EFHD1: variants seen among roughly 807,000 people sequenced by gnomAD.
EFHD1 encodes the protein EF-hand domain family member D1, also known as EF-hand domain-containing protein D1.
A neutral mutation model predicts 17.2 loss-of-function variants in EFHD1; 10 were observed. The ratio of observed to expected loss-of-function variants is 0.58; its 90% CI spans 0.36 to 0.99. The LOEUF is 0.99. EFHD1 is among the 50% of genes least tolerant of loss of function. The pLI is 0.01. For missense variants in EFHD1, 310 were observed against 327.5 expected, an observed-to-expected ratio of 0.95 and a Z score of 0.41; for synonymous variants, 153 against 142.0, an observed-to-expected ratio of 1.08 and a Z score of -0.55.
chr2:232,640,875 A>G (rs1258222013), intron 1 of EFHD1, among the ~76,000 whole-genome samples: 3 of 152,166 alleles, frequency 2.0e-5, no homozygotes, highest in African/African-American at 7.2e-5. Flanking sequence ...TGGAGGCAGC[A>G]GGGAAGGCCC....
chr2:232,649,462 T>C (rs1182217335), intron 1 of EFHD1, among the ~76,000 whole-genome samples: 1 of 152,118 alleles, frequency 6.6e-6, no homozygotes, highest in Non-Finnish European at 1.5e-5. Context: ...TGTGGAGCGG[T>C]AGCACAGTGA....
chr2:232,617,371 C>G (rs1406427508), intron 1 of EFHD1, among the ~76,000 whole-genome samples: 1 of 152,148 alleles, frequency 6.6e-6, no homozygotes, highest in Non-Finnish European at 1.5e-5. Flanking sequence ...AGAATGCTGG[C>G]CGGGCGCAGT....
intron 1 of EFHD1, among the ~76,000 whole-genome samples, chr2:232,642,736 C>T (rs926105217): frequency 6.6e-5 from 10 of 152,196 alleles, no homozygotes; most frequent in Non-Finnish European, 1.0e-4. Context: ...CTGTTCTGTT[C>T]CCGAGGGTCA....
rs1694244649 is a variant in EFHD1 at position 232,633,604 on chromosome 2, GGA to G, written c.-99_-98del. The G allele has an allele frequency of 3.8e-6, 5 of 1,305,732 alleles. No homozygotes were observed. The Middle Eastern group carries it at 8.7e-4, about 228-fold the overall frequency. 80.9% of individuals were successfully genotyped at this position (1,305,732 alleles called of 1,614,324 possible). On this transcript the variant is annotated 5_prime_UTR_variant, in exon 1 of 4. Transcript: ENST00000264059. ...ACCGCCGGGTCCCCGCCGCCTCGGC[GGA>G]GTGTTGTAGAGCCTCGAGCCTGCGA...
chr2:232,624,577 T>G (rs1044002735), intron 1 of EFHD1, among the ~76,000 whole-genome samples: 1 of 152,236 alleles, frequency 6.6e-6, no homozygotes, highest in East Asian at 1.9e-4. Context: ...ATAAAAGAGA[T>G]GGGGAGAACC....
At chr2:232,660,667 G>T (rs1286880005) in intron 1 of EFHD1, among the ~76,000 whole-genome samples, 2 of 151,460 alleles carry the variant, frequency 1.3e-5, no homozygotes, top group African/African-American at 4.8e-5. Context: ...ACAAATTGTG[G>T]TAAAATGCAC....
chr2:232,671,158 G>A (rs1695061812), intron 2 of EFHD1, among the ~76,000 whole-genome samples: 1 of 152,102 alleles, frequency 6.6e-6, no homozygotes, highest in African/African-American at 2.4e-5. Context: ...ATCAAGGCCA[G>A]GCACAGTGCC....
chr2:232,608,831 G>A (rs1307155828), intron 1 of EFHD1, among the ~76,000 whole-genome samples: 24 of 152,122 alleles, frequency 1.6e-4, no homozygotes. Flanking sequence ...TCAGGAGGCT[G>A]AGGCAAGAGA....
Position 232,628,209 on chromosome 2 carries a change from T to C in EFHD1, c.14+22036T>C, listed in dbSNP as rs1694143075. Among the ~76,000 whole-genome samples the C allele has an allele frequency of 2.6e-5, 4 of 152,100 alleles. No homozygotes were observed. In the South Asian group the frequency reaches 8.3e-4, roughly 31 times the overall value. ...CTGAGTAGCTGGGATTACAGGCACC[T>C]GCCACCAAGGCCAGCTAATTTTTGT... On this transcript the variant is annotated intron_variant, in intron 1 of 3. Coordinates refer to the EFHD1 transcript ENST00000409613.
chr2:232,662,982 G>A (rs924858166), intron 2 of EFHD1, 33 bp downstream of exon 2: 2 of 1,532,546 alleles, frequency 1.3e-6, no homozygotes, highest in Non-Finnish European at 1.7e-6. Flanking sequence ...AGCCCCTGTG[G>A]GGTGCCCCTG....
At chr2:232,633,571 C>G, upstream of EFHD1, 2 of 1,305,736 alleles carry the variant, frequency 1.5e-6, no homozygotes, top group Non-Finnish European at 1.9e-6. Flanking sequence ...CGTCCTCAGA[C>G]CCTCCCAACC....
At chr2:232,650,560 C>CTTT (rs71398730) in intron 1 of EFHD1, among the ~76,000 whole-genome samples, 1 of 48,650 alleles carries the variant, frequency 2.1e-5, no homozygotes, top group Non-Finnish European at 3.7e-5. Flanking sequence ...TCCCAAAGTG[C>CTTT]TTTTTTTTTT....
chr2:232,644,672 G>C (rs1265730242), intron 1 of EFHD1, among the ~76,000 whole-genome samples: 1 of 151,888 alleles, frequency 6.6e-6, no homozygotes, highest in Non-Finnish European at 1.5e-5. Context: ...ACCATGCCCG[G>C]CTAATTTTTT....
intron 1 of EFHD1, among the ~76,000 whole-genome samples, chr2:232,639,551 C>T (rs910539957): frequency 6.6e-6 from 1 of 152,186 alleles, no homozygotes; most frequent in African/African-American, 2.4e-5. Flanking sequence ...TTTATACCCT[C>T]AGCCCTGTGG....
intron 2 of EFHD1, among the ~76,000 whole-genome samples, chr2:232,665,990 G>A (rs188575653): frequency 3.3e-4 from 51 of 152,244 alleles, no homozygotes; most frequent in African/African-American, 1.2e-3. Context: ...CCCAACTAGC[G>A]CCCTGGTTTC....
At chr2:232,634,997 GCTGCGTCGCCTGAGCCTCCGCTGCC>G (rs762504250) in intron 1 of EFHD1, among the ~76,000 whole-genome samples, 228 of 152,322 alleles carry the variant, frequency 1.5e-3, no homozygotes, top group African/African-American at 5.2e-3. Flanking sequence ...TGTGACTGGC[GCTGCGTCGCCTGAGCCTCCGCTGCC>G]CCTGCATGGA....
intron 1 of EFHD1, among the ~76,000 whole-genome samples, chr2:232,639,356 CTT>C (rs537011650): frequency 6.9e-6 from 1 of 145,338 alleles, no homozygotes; most frequent in Non-Finnish European, 1.5e-5. Context: ...GAGACTTTAA[CTT>C]TTTTTTTTTT....
chr2:232,649,142 T>G (rs1045572063), intron 1 of EFHD1, among the ~76,000 whole-genome samples: 1 of 152,168 alleles, frequency 6.6e-6, no homozygotes, highest in East Asian at 1.9e-4. Flanking sequence ...AGTGACTGAC[T>G]CATGGACCTG....
chr2:232,634,050 G>T, intron 1 of EFHD1, 44 bp downstream of exon 1: 1 of 1,592,310 alleles, frequency 6.3e-7, no homozygotes, highest in Non-Finnish European at 8.5e-7. Flanking sequence ...ACCAGGGAGG[G>T]AGCGGGAGGG....
Sources: gnomAD v4.1 joint callset for allele counts (sites outside exome capture counted in the v4.1 genomes callset) on GRCh38, gnomAD v4.1.1 for gene constraint, MANE v1.5 for transcripts, NCBI Gene and HGNC (gene_info 2026-07-23, HGNC 2026-07-21) for gene names.